The following SIPA1 variants were observed in gnomAD, a reference collection of about 807,000 sequenced individuals.
SIPA1 encodes the protein signal-induced proliferation-associated protein 1.
SIPA1 carries 51 observed loss-of-function variants against 88.1 expected under a neutral mutation model. The observed-to-expected ratio is 0.58, with a 90% CI of 0.46 to 0.73. The LOEUF is 0.73. Among genes scored for constraint, SIPA1 ranks in the 30% least tolerant of loss-of-function variants. SIPA1 has a pLI of 0.00. For synonymous variants in SIPA1, 681 were observed against 664.8 expected, an observed-to-expected ratio of 1.02 and a Z score of -0.37; for missense variants, 1,348 against 1,467.6, an observed-to-expected ratio of 0.92 and a Z score of 1.33.
rs761197707 is a variant in SIPA1 at position 65,650,198 on chromosome 11, C to A, written c.2903+6C>A. On this transcript the variant is annotated splice_donor_region_variant and intron_variant, in intron 14 of 15. Coordinates refer to ENST00000534313, the MANE Select transcript of SIPA1 (RefSeq NM_006747.4). Reference sequence around the variant, plus strand: ...ACTCCAAAATCTGATGCTGAGTAAGCTCCCCAACTCCCCACAGCCGCTTTA... The same window carrying A: ...ACTCCAAAATCTGATGCTGAGTAAGATCCCCAACTCCCCACAGCCGCTTTA... 4 of 1,613,816 alleles carry A rather than the reference C, an allele frequency of 2.5e-6. No individual in the cohort carries two copies. Among genetic ancestry groups the A allele is most frequent in the African/African-American group, 1.3e-5 (1 of 74,892 alleles).
At chr11:65,647,803 T>C (rs1856163377) in intron 9 of SIPA1, 145 bp downstream of exon 9, 1 of 511,266 alleles carries the variant, frequency 2.0e-6, no homozygotes, top group Non-Finnish European at 2.9e-6. Context: ...TCTTAGCCCG[T>C]CTGAGCCTGT....
Position 65,647,490 on chromosome 11 carries a change from G to C in SIPA1, c.2138G>C (p.Arg713Pro). The change falls in exon 9 of 16, where the codon CGC becomes CCC. Residue 713 changes from arginine (R) to proline (P), a missense_variant. Around this residue, in one of 4 missense-constraint regions of SIPA1, gnomAD observed 615 missense variants for 559.8 expected, o/e 1.10. Transcript: ENST00000534313. ...GAGGGATTCGTCACGCACGTGGAGC[G>C]CTTCACATTCGCCGAGACGGCGGGG... ...DAEGFVTHVE[R>P]FTFAETAGLR... 1 of 1,440,246 alleles carries C rather than the reference G, an allele frequency of 6.9e-7. No homozygotes were observed. Among genetic ancestry groups the C allele is most frequent in the Non-Finnish European group, 9.1e-7 (1 of 1,103,518 alleles). 89.2% of individuals were successfully genotyped at this position (1,440,246 alleles called of 1,614,324 possible).
Position 65,649,930 on chromosome 11 carries a change from C to G in SIPA1, c.2747-20C>G. 6.2e-7 allele frequency: 1 copy of G among 1,613,694 alleles called. No homozygotes were observed. The highest frequency in any genetic ancestry group is 8.5e-7 in the Non-Finnish European group (1 of 1,179,726). On this transcript the variant is annotated intron_variant, in intron 12 of 15. Transcript: ENST00000534313. ...GTGCTCCTGGGCTTCCCTAGCTCAGCCTGCTCCTTGTGCCCACAGTCATGT... is the reference window on the plus strand; with the variant it reads ...GTGCTCCTGGGCTTCCCTAGCTCAGGCTGCTCCTTGTGCCCACAGTCATGT...
Position 65,641,426 on chromosome 11 carries a change from C to T in SIPA1, c.505C>T (p.Leu169Phe). Reference protein sequence around the residue: ...LHGAPGFVCELGGEGELGLGG... With the variant: ...LHGAPGFVCEFGGEGELGLGG... Reference sequence around the variant, plus strand: ...TGGGGCACCTGGCTTTGTGTGTGAGCTCGGGGGTGAGGGTGAGCTAGGCCT... The same window carrying T: ...TGGGGCACCTGGCTTTGTGTGTGAGTTCGGGGGTGAGGGTGAGCTAGGCCT... The change falls in exon 2 of 16, where the codon CTC becomes TTC. Residue 169 changes from leucine to phenylalanine, a missense_variant. This residue lies in a region of SIPA1 where 641 missense variants were observed against 797.7 expected (regional missense o/e 0.80). Coordinates refer to ENST00000534313, the MANE Select transcript of SIPA1 (RefSeq NM_006747.4). The T allele has an allele frequency of 6.2e-7, 1 of 1,612,754 alleles. No individual in the cohort carries two copies. Among genetic ancestry groups the T allele is most frequent in the Middle Eastern group, 1.7e-4 (1 of 6,008 alleles).
chr11:65,644,878 T>A, intron 4 of SIPA1, 77 bp from the exon 5 acceptor site: 1 of 1,451,796 alleles, frequency 6.9e-7, no homozygotes, highest in Non-Finnish European at 9.4e-7. Context: ...CAGGCCAGCG[T>A]CCCATCCATT....
Position 65,649,457 on chromosome 11 carries a change from C to G in SIPA1, c.2502C>G (p.Ser834Arg). The change falls in exon 10 of 16, where the codon AGC (serine) becomes AGG (arginine). Residue 834 changes from serine to arginine, a missense_variant. Ser to Arg is a moderately radical substitution (Grantham distance 110). Coordinates refer to ENST00000534313, the MANE Select transcript of SIPA1 (RefSeq NM_006747.4). Reference protein sequence around the residue: ...LAEERTEFLHSQNSLSPRSSL... With the variant: ...LAEERTEFLHRQNSLSPRSSL... ...AGGAGAGGACTGAGTTCCTGCACAGCCAGAACTCGCTGTCACCACGCAGGT... is the reference window on the plus strand; with the variant it reads ...AGGAGAGGACTGAGTTCCTGCACAGGCAGAACTCGCTGTCACCACGCAGGT... 1.2e-6 allele frequency: 2 copies of G among 1,611,232 alleles called. No individual in the cohort carries two copies. Among genetic ancestry groups the G allele is most frequent in the Non-Finnish European group, 1.7e-6 (2 of 1,178,654 alleles).
At chr11:65,643,604 C>G (rs187323687) in intron 4 of SIPA1, among the ~76,000 whole-genome samples, 2 of 152,270 alleles carry the variant, frequency 1.3e-5, no homozygotes, top group East Asian at 3.9e-4. Flanking sequence ...TACTGGAACA[C>G]TGAAAGGGAA....
Position 65,649,411 on chromosome 11 carries a change from C to A in SIPA1, c.2456C>A (p.Pro819Gln). 6.3e-7 allele frequency: 1 copy of A among 1,591,920 alleles called. No homozygotes were observed. The change falls in exon 10 of 16, where the codon CCA (proline) becomes CAA (glutamine). Residue 819 changes from proline (P) to glutamine (Q), a missense_variant. By Grantham distance (76) the Pro-to-Gln change is moderately conservative (BLOSUM62 -1). Transcript: ENST00000534313. ...HLCLQDGGSP[P>Q]GPGDLAEERT... Reference sequence around the variant, plus strand: ...TGCCTGCAAGATGGTGGCAGTCCTCCAGGGCCTGGGGATCTGGCCGAGGAG... The same window carrying A: ...TGCCTGCAAGATGGTGGCAGTCCTCAAGGGCCTGGGGATCTGGCCGAGGAG...
At chr11:65,648,122 C>T (rs540119855) in intron 9 of SIPA1, among the ~76,000 whole-genome samples, 1 of 152,244 alleles carries the variant, frequency 6.6e-6, no homozygotes, top group African/African-American at 2.4e-5. Flanking sequence ...ATCCACCTGC[C>T]TCGCCCTCCC....
Position 65,646,757 on chromosome 11 carries a change from C to G in SIPA1, c.1723C>G (p.Leu575Val), listed in dbSNP as rs1435817854. The stretch of plus-strand genomic sequence containing the variant: ...GGCCCCTCGGGGCCCAGGCGCCGAG[C>G]TGCAGGCAGCGGGCTCACTGGTGTG... The part of the protein sequence containing the change: ...RAAPRGPGAE[L>V]QAAGSLVWGV... Residue 575 changes from leucine to valine, a missense_variant, in exon 8 of 16, where the codon CTG (leucine) becomes GTG (valine). Transcript: ENST00000534313. The surrounding 1 kb of genome is among the most constrained non-coding windows in gnomAD (Gnocchi z 7.5). 6.7e-7 allele frequency: 1 copy of G among 1,496,344 alleles called. No homozygotes were observed. The highest frequency in any genetic ancestry group is 2.5e-5 in the East Asian group (1 of 40,212). The allele number at this position is 1,496,344 out of a possible 1,614,324, so 92.7% of individuals were successfully genotyped here. A position where few individuals can be genotyped will look rare whatever the true frequency, so the allele number is the denominator to read the frequency against.
At chr11:65,638,499 G>T (rs1855941976) in intron 1 of SIPA1, 1 of 152,206 alleles carries the variant, frequency 6.6e-6, no homozygotes, top group Admixed American at 6.6e-5. Flanking sequence ...GTGTGTGCGG[G>T]GCTCCCCCTT....
intron 5 of SIPA1, among the ~76,000 whole-genome samples, 196 bp from the exon 6 acceptor site, chr11:65,645,658 G>C (rs935733172): frequency 2.0e-5 from 3 of 152,144 alleles, no homozygotes; most frequent in African/African-American, 7.2e-5. Flanking sequence ...GCTGGAGCCT[G>C]TGGAGGGAGA....
chr11:65,650,735 G>A lies in SIPA1; in HGVS notation c.*20G>A. 1 of 1,542,066 alleles carries A rather than the reference G, an allele frequency of 6.5e-7. No individual in the cohort carries two copies. Among genetic ancestry groups the A allele is most frequent in the Non-Finnish European group, 8.8e-7 (1 of 1,142,516 alleles). On this transcript the variant is annotated 3_prime_UTR_variant, in exon 16 of 16. Transcript: ENST00000534313. ...GCCTGAGCCGTCTGGAACCACCTGG[G>A]CCCCTGAGGGCACTGTGGTCACACT...
intron 14 of SIPA1, 51 bp from the exon 15 acceptor site, chr11:65,650,350 T>A (rs764318466): frequency 1.0e-4 from 162 of 1,590,296 alleles, no homozygotes; most frequent in Non-Finnish European, 1.3e-4. Flanking sequence ...AGTCAGCTGG[T>A]GCACTGCCCC....
intron 1 of SIPA1, among the ~76,000 whole-genome samples, chr11:65,640,623 A>C (rs1467919690): frequency 6.6e-6 from 1 of 152,198 alleles, no homozygotes; most frequent in Non-Finnish European, 1.5e-5. Flanking sequence ...AAGACCCAAC[A>C]GCCCAGCCTC....
chr11:65,650,269 C>A, intron 14 of SIPA1, 77 bp downstream of exon 14: 1 of 1,560,888 alleles, frequency 6.4e-7, no homozygotes, highest in Non-Finnish European at 8.8e-7. Context: ...TGGGGTGGAG[C>A]TCTGTCCTGG....
In SIPA1 at chr11:65,649,741, C is replaced by T. The variant is rs779460998; in HGVS notation, c.2638-16C>T. The stretch of plus-strand genomic sequence containing the variant: ...CAGTGGGCATCACTGAATCTGTATC[C>T]ACTTCTGTGGCACAGGACAGGCCAG... On this transcript the variant is annotated splice_polypyrimidine_tract_variant and intron_variant, in intron 11 of 15. Coordinates refer to ENST00000534313, the MANE Select transcript of SIPA1 (RefSeq NM_006747.4). 32 of 1,614,042 alleles carry T rather than the reference C, an allele frequency of 2.0e-5. No homozygotes were observed. The highest frequency in any genetic ancestry group is 2.7e-5 in the Non-Finnish European group (32 of 1,180,004).
chr11:65,642,309 C>A lies in SIPA1; in HGVS notation c.739C>A (p.Arg247=), dbSNP rs1856020816. 6.5e-7 allele frequency: 1 copy of A among 1,549,314 alleles called. No individual in the cohort carries two copies. The highest frequency in any genetic ancestry group is 1.7e-4 in the Middle Eastern group (1 of 5,898). Residue 247 remains arginine, a synonymous_variant, in exon 3 of 16, where the codon CGG becomes AGG. Coordinates refer to ENST00000534313, the MANE Select transcript of SIPA1 (RefSeq NM_006747.4). This position sits in a 1 kb window ranked among gnomAD's most constrained non-coding sequence, Gnocchi z 6.5. Reference sequence around the variant, plus strand: ...GGGCCCGGTGGCAGTGAGCCTGCGGCGGGAGGAGAAGGAGGGCAGCGGAGG... The same window carrying A: ...GGGCCCGGTGGCAGTGAGCCTGCGGAGGGAGGAGAAGGAGGGCAGCGGAGG... ...SLGPVAVSLR[R]EEKEGSGGGT... is the part of the protein sequence containing the mutation.
Position 65,646,536 on chromosome 11 carries a change from C to T in SIPA1, c.1502C>T (p.Ala501Val). Residue 501 changes from alanine to valine, a missense_variant, in exon 8 of 16, where the codon GCC becomes GTC. Ala to Val is a moderately conservative substitution (Grantham distance 64). This residue lies in a region of SIPA1 where 641 missense variants were observed against 797.7 expected (regional missense o/e 0.80). Transcript: ENST00000534313. This position sits in a 1 kb window ranked among gnomAD's most constrained non-coding sequence, Gnocchi z 7.5. ...PAGGGPFAAN[A>V]DFRAFLLAKA... ...GGCGGAGGCCCCTTCGCAGCCAACG[C>T]CGACTTCCGGGCCTTCCTGCTGGCC... 6.4e-7 allele frequency: 1 copy of T among 1,560,756 alleles called. No individual in the cohort carries two copies. The highest frequency in any genetic ancestry group is 8.6e-7 in the Non-Finnish European group (1 of 1,159,644).
Sources: allele counts gnomAD v4.1 joint callset (sites outside exome capture counted in the v4.1 genomes callset), GRCh38; gene constraint gnomAD v4.1.1; regional missense constraint gnomAD v4.1.1; non-coding constraint Gnocchi (gnomAD v3.1); transcripts MANE v1.5; gene names NCBI Gene and HGNC (gene_info 2026-07-23, HGNC 2026-07-21).